The following CLDN14 variants were observed in gnomAD, a reference collection of about 807,000 sequenced individuals.
CLDN14 encodes the protein claudin-14.
Under a neutral mutation model 2.1 loss-of-function variants are expected in CLDN14, and 2 were observed. The observed-to-expected ratio is 0.96, with a 90% confidence interval of 0.39 to 3.01. The LOEUF is 3.01. Among genes scored for constraint, CLDN14 ranks in the 30% most tolerant of loss-of-function variants. CLDN14 has a pLI of 0.09. For synonymous variants in CLDN14, 136 were observed against 154.4 expected (o/e 0.88, Z 0.88); for missense variants, 298 against 328.0 (o/e 0.91, Z 0.71).
At chr21:36,520,776 C>T (rs918643292) in intron 1 of CLDN14, among the ~76,000 whole-genome samples, 1 of 152,138 alleles carries the variant, frequency 6.6e-6, no homozygotes, top group South Asian at 2.1e-4. Context: ...AGACTCCATA[C>T]TTCTAAGCAA....
rs2086559207 is a variant in CLDN14 at position 36,461,000 on chromosome 21, C to A, written c.696G>T (p.Gly232=). 4 of 1,613,068 alleles carry A rather than the reference C, an allele frequency of 2.5e-6. No homozygotes were observed. The South Asian group carries it at 3.3e-5, about 13-fold the overall frequency. Reference sequence around the variant, plus strand: ...CTCACACGTAGTCGTTCAGCCTGTACCCGCTGTGCGTGGCCGAGGTCACTG... The same window carrying A: ...CTCACACGTAGTCGTTCAGCCTGTAACCGCTGTGCGTGGCCGAGGTCACTG... ...APSVTSATHS[G]YRLNDYV Residue 232 remains glycine, a synonymous_variant, in exon 2 of 2, where the codon GGG becomes GGT. Coordinates refer to ENST00000399135, the MANE Select transcript of CLDN14 (RefSeq NM_001146079.2). This position sits in a 1 kb window ranked among gnomAD's most constrained non-coding sequence, Gnocchi z 4.0.
At chr21:36,510,782 G>A (rs763973442) in intron 1 of CLDN14, among the ~76,000 whole-genome samples, 3 of 152,270 alleles carry the variant, frequency 2.0e-5, no homozygotes, top group Non-Finnish European at 4.4e-5. Flanking sequence ...CTGCAGCCAT[G>A]TAATCCAATG....
intron 1 of CLDN14, among the ~76,000 whole-genome samples, chr21:36,568,273 C>G (rs1324522996): frequency 6.6e-6 from 1 of 152,154 alleles, no homozygotes; most frequent in Non-Finnish European, 1.5e-5. Flanking sequence ...CATGGGATGC[C>G]CTGCTCAGAA....
At chr21:36,496,563 A>G (rs1421868828) in intron 2 of CLDN14, among the ~76,000 whole-genome samples, 1 of 150,090 alleles carries the variant, frequency 6.7e-6, no homozygotes, top group Non-Finnish European at 1.5e-5. Context: ...TAGGCACAAG[A>G]GCATCCCCTG....
At chr21:36,524,452 G>A (rs2087307703) in intron 1 of CLDN14, among the ~76,000 whole-genome samples, 1 of 152,194 alleles carries the variant, frequency 6.6e-6, no homozygotes, top group Non-Finnish European at 1.5e-5. Flanking sequence ...ACAAGGGAAT[G>A]GGGAACTCAG....
At chr21:36,500,265 C>A (rs892303395) in intron 2 of CLDN14, among the ~76,000 whole-genome samples, 3 of 152,086 alleles carry the variant, frequency 2.0e-5, no homozygotes, top group Non-Finnish European at 4.4e-5. Context: ...GCCGGGAGCT[C>A]GCCTGAGGTC....
intron 1 of CLDN14, among the ~76,000 whole-genome samples, chr21:36,518,711 C>A (rs1786855218): frequency 6.6e-6 from 1 of 152,172 alleles, no homozygotes; most frequent in African/African-American, 2.4e-5. Context: ...TCCAGTGACC[C>A]ATTTGGAAGA....
intron 1 of CLDN14, among the ~76,000 whole-genome samples, chr21:36,537,357 A>T (rs1019680001): frequency 3.9e-5 from 6 of 152,230 alleles, no homozygotes; most frequent in Non-Finnish European, 8.8e-5. Flanking sequence ...TGAAGTTGAT[A>T]AAAAGACGTA....
At chr21:36,522,883 G>A (rs886687533) in intron 1 of CLDN14, among the ~76,000 whole-genome samples, 1 of 152,098 alleles carries the variant, frequency 6.6e-6, no homozygotes, top group Non-Finnish European at 1.5e-5. Flanking sequence ...CCTGCCATTG[G>A]CCAGCCAAGA....
chr21:36,465,600 T>G (rs2086635961), intron 1 of CLDN14, among the ~76,000 whole-genome samples: 1 of 152,198 alleles, frequency 6.6e-6, no homozygotes, highest in Admixed American at 6.5e-5. Flanking sequence ...CGCATCTCCC[T>G]GGAAGCCACA....
intron 1 of CLDN14, among the ~76,000 whole-genome samples, chr21:36,469,397 A>C (rs1428246152): frequency 6.6e-6 from 1 of 152,148 alleles, no homozygotes; most frequent in African/African-American, 2.4e-5. Context: ...TACCATCCGC[A>C]TAGAGTCTTT....
chr21:36,526,413 C>T (rs1386169479), intron 1 of CLDN14: 1 of 152,220 alleles, frequency 6.6e-6, no homozygotes, highest in South Asian at 2.1e-4. Context: ...ACTGACTTGA[C>T]CAAGGCTGCA....
intron 1 of CLDN14, among the ~76,000 whole-genome samples, chr21:36,553,473 CCTT>C (rs1324877111): frequency 1.3e-5 from 2 of 152,090 alleles, no homozygotes; most frequent in East Asian, 3.9e-4. Context: ...TTTGATGCCT[CCTT>C]CTGAGCCAAT....
intron 1 of CLDN14, among the ~76,000 whole-genome samples, chr21:36,559,450 G>C (rs2146522783): frequency 6.6e-6 from 1 of 152,278 alleles, no homozygotes; most frequent in South Asian, 2.1e-4. Context: ...GCCCACCTTG[G>C]CCCCACAAAG....
intron 1 of CLDN14, among the ~76,000 whole-genome samples, chr21:36,524,406 G>A (rs528112992): frequency 6.6e-5 from 10 of 152,232 alleles, no homozygotes; most frequent in Non-Finnish European, 1.5e-4. Flanking sequence ...ACAGGCATGA[G>A]CCACGGCGCC....
At chr21:36,567,221 A>G (rs2087679955) in intron 1 of CLDN14, among the ~76,000 whole-genome samples, 1 of 152,184 alleles carries the variant, frequency 6.6e-6, no homozygotes, top group Non-Finnish European at 1.5e-5. Context: ...ACATAGATGA[A>G]CTCAGAGAAG....
At chr21:36,504,219 A>T (rs2087112595) in intron 2 of CLDN14, among the ~76,000 whole-genome samples, 1 of 151,850 alleles carries the variant, frequency 6.6e-6, no homozygotes, top group African/African-American at 2.4e-5. Context: ...GCACGCCTGT[A>T]GTCCCAGCTA....
At chr21:36,527,494 A>ATCAG (rs1011492044) in intron 1 of CLDN14, among the ~76,000 whole-genome samples, 6 of 152,210 alleles carry the variant, frequency 3.9e-5, no homozygotes, top group African/African-American at 1.4e-4. Flanking sequence ...TTCCATGTAG[A>ATCAG]TCAGCTGCTG....
intron 1 of CLDN14, among the ~76,000 whole-genome samples, chr21:36,469,394 C>T (rs56183874): frequency 0.1 from 15,532 of 152,014 alleles, 970 homozygotes; most frequent in African/African-American, 0.17. Flanking sequence ...CTATACCATC[C>T]GCATAGAGTC....
Sources: allele counts gnomAD v4.1 joint callset (sites outside exome capture counted in the v4.1 genomes callset), GRCh38; gene constraint gnomAD v4.1.1; non-coding constraint Gnocchi (gnomAD v3.1); transcripts MANE v1.5; gene names NCBI Gene and HGNC (gene_info 2026-07-23, HGNC 2026-07-21).